Variants in CACNA2D2 observed in about 807,000 individuals in gnomAD.
CACNA2D2 encodes voltage-dependent calcium channel subunit alpha-2/delta-2.
A neutral mutation model predicts 166.4 loss-of-function variants in CACNA2D2; 48 were observed. The ratio of observed to expected loss-of-function variants is 0.29; its 90% CI spans 0.23 to 0.37. The LOEUF (loss-of-function observed/expected upper bound fraction) is 0.37, where lower values mean the gene tolerates loss of function less well. Among genes scored for constraint, CACNA2D2 ranks in the 10% least tolerant of loss-of-function variants. The pLI is 1.00. For synonymous variants in CACNA2D2, 561 were observed against 573.7 expected (o/e 0.98, Z 0.32); for missense variants, 1,122 against 1,433.0 (o/e 0.78, Z 3.50).
chr3:50,466,272 ATGTG>A lies in CACNA2D2; in HGVS notation c.288+9842_288+9845del, dbSNP rs10678919. On this transcript the variant is annotated intron_variant, in intron 2 of 37. Transcript: ENST00000424201. ...GCATGGGGGAAGTGTGTGTGTGCGC[ATGTG>A]TGTGTGTGTGTGTGTGTGTGCTCCT... Among the ~76,000 whole-genome samples, 16 of 149,450 alleles carry A rather than the reference ATGTG, an allele frequency of 1.1e-4. No homozygotes were observed. In the East Asian group the frequency reaches 1.6e-3, roughly 15 times the overall value.
At chr3:50,368,863 G>A (rs1379952515) in intron 23 of CACNA2D2, among the ~76,000 whole-genome samples, 1 of 152,242 alleles carries the variant, frequency 6.6e-6, no homozygotes, top group Non-Finnish European at 1.5e-5. Flanking sequence ...TGTGGGGCGT[G>A]AGGGGGTCTG....
At position 50,366,234 on chromosome 3, in the gene CACNA2D2, A is replaced by G. The variant is rs769135789; in HGVS notation, c.2709+33T>C. On this transcript the variant is annotated intron_variant, in intron 31 of 37. Coordinates refer to ENST00000424201, the MANE Select transcript of CACNA2D2 (RefSeq NM_006030.4). The surrounding 1 kb of genome is among the most constrained non-coding windows in gnomAD (Gnocchi z 5.9). ...ACACCCCTAGAAGGCTCAAATCCCT[A>G]CTCTCTTCTTTCACTCTCTTCCTGA... 4 of 1,613,484 alleles carry G rather than the reference A, an allele frequency of 2.5e-6. No homozygotes were observed. The highest frequency in any genetic ancestry group is 2.5e-6 in the Non-Finnish European group (3 of 1,179,718).
At chr3:50,399,305 C>A (rs1706320831) in intron 3 of CACNA2D2, among the ~76,000 whole-genome samples, 1 of 152,230 alleles carries the variant, frequency 6.6e-6, no homozygotes, top group Non-Finnish European at 1.5e-5. Flanking sequence ...TCTGCACAGC[C>A]CAGAGGGAAA....
intron 3 of CACNA2D2, among the ~76,000 whole-genome samples, chr3:50,406,085 C>A (rs1575638496): frequency 1.3e-5 from 2 of 151,910 alleles, no homozygotes; most frequent in East Asian, 4.1e-4. Flanking sequence ...TGGCTCTGCC[C>A]CTGCCCCCTG....
At chr3:50,390,668 G>A (rs1291975949) in intron 4 of CACNA2D2, among the ~76,000 whole-genome samples, 5 of 152,180 alleles carry the variant, frequency 3.3e-5, no homozygotes, top group African/African-American at 9.7e-5. Context: ...CCTCCCATGT[G>A]GACTTGGGCA....
At chr3:50,484,423 G>A (rs528460271) in intron 1 of CACNA2D2, among the ~76,000 whole-genome samples, 7 of 152,090 alleles carry the variant, frequency 4.6e-5, no homozygotes, top group Admixed American at 4.6e-4. Context: ...CAACTCCGTC[G>A]CACTAAGAGA....
chr3:50,446,190 A>G (rs1708839077), intron 2 of CACNA2D2, among the ~76,000 whole-genome samples: 1 of 151,922 alleles, frequency 6.6e-6, no homozygotes, highest in Non-Finnish European at 1.5e-5. Flanking sequence ...CAGGTGTGCC[A>G]CCTCCTTGTT....
intron 1 of CACNA2D2, among the ~76,000 whole-genome samples, chr3:50,497,899 T>G (rs1055809242): frequency 6.6e-6 from 1 of 152,122 alleles, no homozygotes; most frequent in Admixed American, 6.6e-5. Flanking sequence ...TGTAGCTTCT[T>G]GTTTAGACAG....
At chr3:50,391,851 C>G (rs762895) in intron 4 of CACNA2D2, among the ~76,000 whole-genome samples, 23,892 of 152,186 alleles carry the variant, frequency 0.16, 2,585 homozygotes, top group East Asian at 0.42. Context: ...GTGGCCAGAA[C>G]AGCTGGGCGC....
At chr3:50,399,313 A>G (rs1188852321) in intron 3 of CACNA2D2, among the ~76,000 whole-genome samples, 2 of 152,218 alleles carry the variant, frequency 1.3e-5, no homozygotes, top group African/African-American at 2.4e-5. Context: ...GCCCAGAGGG[A>G]AAGGCTGGAA....
At chr3:50,419,670 G>C (rs1160586542) in intron 3 of CACNA2D2, 5 of 152,220 alleles carry the variant, frequency 3.3e-5, no homozygotes, top group African/African-American at 1.2e-4. Flanking sequence ...GTAGCCTTAA[G>C]TGAGTATGCA....
chr3:50,457,316 T>C (rs890122828), intron 2 of CACNA2D2, among the ~76,000 whole-genome samples: 16 of 152,114 alleles, frequency 1.1e-4, no homozygotes, highest in African/African-American at 3.6e-4. Flanking sequence ...TGGCAGGTAG[T>C]CCAGCTCACA....
At chr3:50,441,691 A>C (rs1043692505) in intron 2 of CACNA2D2, among the ~76,000 whole-genome samples, 4 of 152,202 alleles carry the variant, frequency 2.6e-5, no homozygotes, top group Non-Finnish European at 5.9e-5. Flanking sequence ...TTCCAAACTG[A>C]CTTGAAAACT....
At chr3:50,460,491 T>C (rs1575723682) in intron 2 of CACNA2D2, among the ~76,000 whole-genome samples, 1 of 152,152 alleles carries the variant, frequency 6.6e-6, no homozygotes, top group Non-Finnish European at 1.5e-5. Flanking sequence ...TTTTAATCTA[T>C]AAAGCTATAC....
At chr3:50,423,243 GTTC>G (rs751791111) in intron 3 of CACNA2D2, among the ~76,000 whole-genome samples, 3 of 152,210 alleles carry the variant, frequency 2.0e-5, no homozygotes, top group Non-Finnish European at 4.4e-5. Flanking sequence ...CTATCTGTCT[GTTC>G]TTCTGTCCAT....
chr3:50,419,886 G>A (rs1707465907), intron 3 of CACNA2D2: 1 of 152,298 alleles, frequency 6.6e-6, no homozygotes, highest in East Asian at 1.9e-4. Context: ...TGGGAAAACT[G>A]GGTGCTGTAG....
chr3:50,367,929 T>C lies in CACNA2D2; in HGVS notation c.2144-27A>G. 1 of 274,206 alleles carries C rather than the reference T, an allele frequency of 3.6e-6. No homozygotes were observed. Among genetic ancestry groups the C allele is most frequent in the Non-Finnish European group, 7.2e-6 (1 of 139,040 alleles). The allele number at this position is 274,206 out of a possible 1,614,324, so 17.0% of individuals were successfully genotyped here. ...TGGAACAGGAGGGGAGGGGTGGGGGTGGGGGCATCTTCTTGCAGCTCCTTG... is the reference window on the plus strand; with the variant it reads ...TGGAACAGGAGGGGAGGGGTGGGGGCGGGGGCATCTTCTTGCAGCTCCTTG... On this transcript the variant is annotated intron_variant, in intron 24 of 37. Coordinates refer to ENST00000424201, the MANE Select transcript of CACNA2D2 (RefSeq NM_006030.4). The surrounding 1 kb of genome is among the most constrained non-coding windows in gnomAD (Gnocchi z 6.5).
In CACNA2D2 at chr3:50,367,076, G is replaced by C; in HGVS notation, c.2435C>G (p.Thr812Ser). The C allele has an allele frequency of 6.2e-7, 1 of 1,613,690 alleles. No homozygotes were observed. Residue 812 changes from threonine (T) to serine (S), a missense_variant, in exon 28 of 38, where the codon ACT becomes AGT. Physicochemically the swap from Thr to Ser is moderately conservative, Grantham distance 58 (BLOSUM62 1). Transcript: ENST00000424201. This position sits in a 1 kb window ranked among gnomAD's most constrained non-coding sequence, Gnocchi z 6.5. ...LLRPLELEND[T>S]VGILVSTAVE... The stretch of plus-strand genomic sequence containing the variant: ...AGCTGTGCTGACGAGGATGCCCACA[G>C]TGTCATTCTCCAGCTCCAGCGGCCT...
intron 1 of CACNA2D2, among the ~76,000 whole-genome samples, chr3:50,500,405 C>A (rs533892363): frequency 6.6e-6 from 1 of 152,224 alleles, no homozygotes; most frequent in South Asian, 2.1e-4. Context: ...CCTGGGGGCA[C>A]TGGAGAACAG....
Sources: gnomAD v4.1 joint callset for allele counts (sites outside exome capture counted in the v4.1 genomes callset) on GRCh38, gnomAD v4.1.1 for gene constraint, Gnocchi (gnomAD v3.1) non-coding constraint, MANE v1.5 for transcripts, NCBI Gene and HGNC (gene_info 2026-07-23, HGNC 2026-07-21) for gene names.